Variants in AATF observed in about 807,000 individuals in gnomAD.
AATF encodes the protein protein AATF.
In AATF, 48 loss-of-function variants were observed where a neutral mutation model predicts 63.7. The observed-to-expected ratio is 0.75, with a 90% CI of 0.60 to 0.96. The LOEUF (loss-of-function observed/expected upper bound fraction) is 0.96, where lower values mean the gene tolerates loss of function less well. Ranked by LOEUF, AATF falls within the 40% of genes least tolerant of loss-of-function variation. The pLI is 0.00. For missense variants in AATF, 639 were observed against 685.7 expected (o/e 0.93, Z 0.76); for synonymous variants, 258 against 247.7 (o/e 1.04, Z -0.39).
At position 36,988,643 on chromosome 17, in the gene AATF, G is replaced by C; in HGVS notation, c.1072G>C (p.Asp358His). The C allele has an allele frequency of 6.2e-7, 1 of 1,614,126 alleles. No homozygotes were observed. The highest frequency in any genetic ancestry group is 1.1e-5 in the South Asian group (1 of 91,072). The part of the protein sequence containing the change: ...YPSFMAKRFA[D>H]FTVYRNRTLQ... ...CAGCTTCATGGCAAAGCGCTTTGCC[G>C]ACTTTACAGTCTACAGGAACCGCAC... The change falls in exon 6 of 12, where the codon GAC (aspartate) becomes CAC (histidine). Residue 358 changes from aspartate (D) to histidine (H), a missense_variant. Asp to His is a moderately conservative substitution (Grantham distance 81, BLOSUM62 -1). Transcript: ENST00000619387.
At chr17:36,996,271 A>G (rs1379000548) in intron 8 of AATF, among the ~76,000 whole-genome samples, 1 of 152,064 alleles carries the variant, frequency 6.6e-6, no homozygotes, top group Non-Finnish European at 1.5e-5. Flanking sequence ...GTCTCTACAA[A>G]AAATGCAAAA....
chr17:36,950,209 G>A lies in AATF; in HGVS notation c.92-5G>A, dbSNP rs763697850. 5.0e-6 allele frequency: 8 copies of A among 1,611,064 alleles called. No homozygotes were observed. In the East Asian group the frequency reaches 6.7e-5, roughly 13 times the overall value. Reference sequence around the variant, plus strand: ...TTCTGTTTACTTTTCCCTCTCCCCCGACAGCCACTGCTGCCAGGGTGATTG... The same window carrying A: ...TTCTGTTTACTTTTCCCTCTCCCCCAACAGCCACTGCTGCCAGGGTGATTG... On this transcript the variant is annotated splice_polypyrimidine_tract_variant and splice_region_variant and intron_variant, in intron 1 of 11. Coordinates refer to ENST00000619387, the MANE Select transcript of AATF (RefSeq NM_012138.4).
At position 37,034,042 on chromosome 17, in the gene AATF, G is replaced by C. The variant is rs540150328; in HGVS notation, c.1619+2357G>C. 2.0e-4 allele frequency among the ~76,000 whole-genome samples: 30 copies of C among 152,300 alleles called. 1 individual carries two copies. Among genetic ancestry groups the C allele is most frequent in the East Asian group, 1.5e-3 (8 of 5,188 alleles). On this transcript the variant is annotated intron_variant, in intron 11 of 11. Coordinates refer to ENST00000619387, the MANE Select transcript of AATF (RefSeq NM_012138.4). ...CTTGTGACATTTATAAGGAGAAAGG[G>C]CTATCCCTTGTGGACTGATTCCTAA...
chr17:37,019,053 G>T lies in AATF; in HGVS notation c.1447G>T (p.Asp483Tyr). ...GAAGACCAGCTCCTTGGATCCCAAC[G>T]ATCAGGTGGCCATGGGAAGGTAATT... ...ERKTSSLDPN[D>Y]QVAMGRQWLA... Residue 483 changes from aspartate (D) to tyrosine (Y), a missense_variant, in exon 9 of 12, where the codon GAT becomes TAT. Asp to Tyr is a radical substitution (Grantham distance 160). Coordinates refer to ENST00000619387, the MANE Select transcript of AATF (RefSeq NM_012138.4). 1 of 1,614,084 alleles carries T rather than the reference G, an allele frequency of 6.2e-7. No individual in the cohort carries two copies. The highest frequency in any genetic ancestry group is 8.5e-7 in the Non-Finnish European group (1 of 1,179,970).
intron 8 of AATF, among the ~76,000 whole-genome samples, chr17:37,000,446 C>T (rs2071285599): frequency 6.6e-6 from 1 of 152,074 alleles, no homozygotes; most frequent in African/African-American, 2.4e-5. Flanking sequence ...CCTCCCAACC[C>T]CTGTGGACCT....
intron 11 of AATF, among the ~76,000 whole-genome samples, chr17:37,038,126 GC>G (rs2071607897): frequency 6.6e-6 from 1 of 152,060 alleles, no homozygotes; most frequent in South Asian, 2.1e-4. Flanking sequence ...TGCAAGAATG[GC>G]CTAATACAGA....
rs1296340459 is a variant in AATF at position 36,948,977 on chromosome 17, C to G, written c.-149C>G. Reference sequence around the variant, plus strand: ...GCGCGCCTCCCGGAAGTGGCCGGTCCAGAGCTGTGGGGTGGCCTCCGCGCG... The same window carrying G: ...GCGCGCCTCCCGGAAGTGGCCGGTCGAGAGCTGTGGGGTGGCCTCCGCGCG... On this transcript the variant is annotated 5_prime_UTR_variant, in exon 1 of 12. Transcript: ENST00000619387. 1.4e-6 allele frequency: 1 copy of G among 713,464 alleles called. No homozygotes were observed. Among genetic ancestry groups the G allele is most frequent in the African/African-American group, 1.8e-5 (1 of 55,002 alleles). 44.2% of individuals were successfully genotyped at this position (713,464 alleles called of 1,614,324 possible). A position where few individuals can be genotyped will look rare whatever the true frequency, so the allele number is the denominator to read the frequency against.
At chr17:37,039,138 C>A (rs2071616535) in intron 11 of AATF, among the ~76,000 whole-genome samples, 1 of 152,188 alleles carries the variant, frequency 6.6e-6, no homozygotes, top group Non-Finnish European at 1.5e-5. Flanking sequence ...GGAATATGCA[C>A]TGAATCATGG....
rs977969936 is a variant in AATF at position 37,031,796 on chromosome 17, T to C, written c.1619+111T>C. The C allele has an allele frequency of 1.4e-4, 124 of 891,954 alleles. No homozygotes were observed. In the African/African-American group the frequency reaches 1.8e-3, roughly 13 times the overall value. 55.3% of individuals were successfully genotyped at this position (891,954 alleles called of 1,614,324 possible). ...CTTCTTATCAGTTAACCATTTGTCA[T>C]TGGCATCGCAGTAAGGGTCACATCT... On this transcript the variant is annotated intron_variant, in intron 11 of 11. Transcript: ENST00000619387.
intron 8 of AATF, among the ~76,000 whole-genome samples, chr17:37,004,818 C>T (rs1597721971): frequency 6.6e-6 from 1 of 152,162 alleles, no homozygotes; most frequent in Admixed American, 6.5e-5. Context: ...AAAAGACCCA[C>T]AGGTTACTGG....
chr17:36,951,187 CA>C (rs1457001288), intron 2 of AATF, among the ~76,000 whole-genome samples: 2 of 152,054 alleles, frequency 1.3e-5, no homozygotes, highest in African/African-American at 2.4e-5. Flanking sequence ...TTAGAAAGGT[CA>C]GGGGTGTCAT....
chr17:37,047,038 A>G (rs2071699517), intron 11 of AATF, among the ~76,000 whole-genome samples: 2 of 152,186 alleles, frequency 1.3e-5, no homozygotes, highest in Non-Finnish European at 2.9e-5. Context: ...AATATTAAAC[A>G]TCTCCAGCAA....
Position 36,948,993 on chromosome 17 carries a change from C to T in AATF, c.-133C>T. 1 of 834,128 alleles carries T rather than the reference C, an allele frequency of 1.2e-6. No homozygotes were observed. The highest frequency in any genetic ancestry group is 1.9e-6 in the Non-Finnish European group (1 of 533,008). The allele number at this position is 834,128 out of a possible 1,614,324, so 51.7% of individuals were successfully genotyped here. The stretch of plus-strand genomic sequence containing the variant: ...TGGCCGGTCCAGAGCTGTGGGGTGG[C>T]CTCCGCGCGGTCTCTGGCGGAGTCG... On this transcript the variant is annotated 5_prime_UTR_variant, in exon 1 of 12. Coordinates refer to ENST00000619387, the MANE Select transcript of AATF (RefSeq NM_012138.4).
chr17:37,001,126 C>G (rs1386123819), intron 8 of AATF, among the ~76,000 whole-genome samples: 1 of 152,018 alleles, frequency 6.6e-6, no homozygotes, highest in African/African-American at 2.4e-5. Flanking sequence ...TGAGACCAGT[C>G]TAGGCAACAT....
intron 11 of AATF, among the ~76,000 whole-genome samples, chr17:37,037,004 C>CT (rs2071597712): frequency 6.9e-6 from 1 of 144,380 alleles, no homozygotes; most frequent in Admixed American, 6.8e-5. Flanking sequence ...ACAGCATCAT[C>CT]TTTTTGTTTT....
intron 10 of AATF, among the ~76,000 whole-genome samples, chr17:37,026,618 A>G (rs1278459499): frequency 6.6e-6 from 1 of 152,258 alleles, no homozygotes; most frequent in Non-Finnish European, 1.5e-5. Flanking sequence ...GTATAATCAT[A>G]GAAGTGACAA....
At chr17:37,021,346 T>C (rs900190070) in intron 10 of AATF, among the ~76,000 whole-genome samples, 2 of 152,198 alleles carry the variant, frequency 1.3e-5, no homozygotes, top group Non-Finnish European at 2.9e-5. Context: ...AAAAATGTTA[T>C]GGCCAGGCGT....
intron 10 of AATF, among the ~76,000 whole-genome samples, chr17:37,026,860 C>T (rs2071514724): frequency 6.6e-6 from 1 of 151,988 alleles, no homozygotes; most frequent in African/African-American, 2.4e-5. Context: ...ACCAAGTGGC[C>T]CCCCAGGCTA....
At chr17:37,028,397 C>T (rs1386760435) in intron 10 of AATF, among the ~76,000 whole-genome samples, 1 of 152,088 alleles carries the variant, frequency 6.6e-6, no homozygotes, top group African/African-American at 2.4e-5. Context: ...TCGCACACTG[C>T]ACTCCAGCCT....
Sources: allele counts gnomAD v4.1 joint callset (sites outside exome capture counted in the v4.1 genomes callset), GRCh38; gene constraint gnomAD v4.1.1; transcripts MANE v1.5; gene names NCBI Gene and HGNC (gene_info 2026-07-23, HGNC 2026-07-21).